Variants in CCDC192 observed in about 807,000 individuals in gnomAD.
The protein encoded by CCDC192 is coiled-coil domain containing 192, also known as coiled-coil domain-containing protein 192.
At position 127,707,644 on chromosome 5, in the gene CCDC192, G is replaced by T. The variant is rs1463125182; in HGVS notation, c.63-65G>T. On this transcript the variant is annotated intron_variant, in intron 1 of 6. Coordinates refer to ENST00000514853, the MANE Select transcript of CCDC192 (RefSeq NM_001317938.2). ...TGATCTATTCATTGTATGTGCGGGG[G>T]TGTGTGTGCGCACATGAGAGCCTGA... is the stretch of plus-strand genomic sequence containing the variant. The T allele has an allele frequency of 1.0e-5, 4 of 396,664 alleles. No individual in the cohort carries two copies. In the South Asian group the frequency reaches 3.9e-4, roughly 39 times the overall value. 24.6% of individuals were successfully genotyped at this position (396,664 alleles called of 1,614,324 possible).
chr5:127,915,630 C>A (rs547274089), intron 6 of CCDC192, among the ~76,000 whole-genome samples: 1 of 152,244 alleles, frequency 6.6e-6, no homozygotes, highest in East Asian at 1.9e-4. Flanking sequence ...ATCCACCCGC[C>A]TGGGCTTCCC....
chr5:127,801,219 A>C (rs1372579835), intron 5 of CCDC192, among the ~76,000 whole-genome samples: 1 of 152,180 alleles, frequency 6.6e-6, no homozygotes, highest in Non-Finnish European at 1.5e-5. Flanking sequence ...TTCTTCTGGA[A>C]TAAGAGATGA....
chr5:127,721,108 C>T (rs949157478), intron 2 of CCDC192, among the ~76,000 whole-genome samples: 8 of 152,206 alleles, frequency 5.3e-5, no homozygotes, highest in African/African-American at 9.7e-5. Context: ...AATTTCTCCC[C>T]GGAAAACGGG....
chr5:127,724,818 C>T (rs1752224606), intron 2 of CCDC192, among the ~76,000 whole-genome samples: 1 of 140,296 alleles, frequency 7.1e-6, no homozygotes, highest in Non-Finnish European at 1.5e-5. Context: ...TGCTGCACTC[C>T]AGCCTGGTGA....
At chr5:127,758,215 T>G (rs969310725) in intron 3 of CCDC192, among the ~76,000 whole-genome samples, 7 of 152,198 alleles carry the variant, frequency 4.6e-5, no homozygotes, top group Non-Finnish European at 1.0e-4. Flanking sequence ...AATCATCTGT[T>G]GGTCCTGGGC....
At chr5:127,847,764 G>A (rs955380529) in intron 5 of CCDC192, among the ~76,000 whole-genome samples, 7 of 151,518 alleles carry the variant, frequency 4.6e-5, no homozygotes, top group Non-Finnish European at 7.4e-5. Flanking sequence ...TGGAGGTTGC[G>A]GTGAGCCAAG....
At chr5:127,910,961 A>G (rs1362689203) in intron 6 of CCDC192, among the ~76,000 whole-genome samples, 1 of 152,230 alleles carries the variant, frequency 6.6e-6, no homozygotes, top group Non-Finnish European at 1.5e-5. Flanking sequence ...ATAAAAAAAA[A>G]ACTTCCTCTG....
chr5:127,931,869 A>G (rs1382835927), intron 6 of CCDC192, among the ~76,000 whole-genome samples: 1 of 152,112 alleles, frequency 6.6e-6, no homozygotes, highest in Non-Finnish European at 1.5e-5. Flanking sequence ...AAAAGAAAGT[A>G]GGCTGGGCAC....
At chr5:127,743,121 G>T (rs1753518292) in intron 2 of CCDC192, among the ~76,000 whole-genome samples, 1 of 152,082 alleles carries the variant, frequency 6.6e-6, no homozygotes, top group Non-Finnish European at 1.5e-5. Flanking sequence ...TGAGAAGAGA[G>T]AAGGTCAGGC....
At chr5:127,710,846 G>A (rs985431308) in intron 2 of CCDC192, among the ~76,000 whole-genome samples, 1 of 152,134 alleles carries the variant, frequency 6.6e-6, no homozygotes, top group African/African-American at 2.4e-5. Flanking sequence ...TTACTTTATC[G>A]CAGGAACCTG....
intron 6 of CCDC192, among the ~76,000 whole-genome samples, chr5:127,882,065 C>T (rs565333647): frequency 1.3e-5 from 2 of 152,282 alleles, no homozygotes; most frequent in Admixed American, 1.3e-4. Flanking sequence ...AAAGTTACCT[C>T]TTTGTTTTAC....
intron 2 of CCDC192, among the ~76,000 whole-genome samples, chr5:127,745,213 C>T (rs575396863): frequency 1.3e-5 from 2 of 152,224 alleles, no homozygotes; most frequent in African/African-American, 4.8e-5. Flanking sequence ...TTGAGCCAAT[C>T]CTTAAGGGTC....
chr5:127,811,305 G>A (rs1293824193), intron 5 of CCDC192, among the ~76,000 whole-genome samples: 3 of 152,092 alleles, frequency 2.0e-5, no homozygotes, highest in Non-Finnish European at 2.9e-5. Flanking sequence ...CCAACCAAAG[G>A]CTTTCCAGAT....
chr5:127,705,254 C>T (rs1459497610), intron 1 of CCDC192, among the ~76,000 whole-genome samples: 1 of 152,186 alleles, frequency 6.6e-6, no homozygotes, highest in Non-Finnish European at 1.5e-5. Context: ...ACTCTGAGGC[C>T]ATGACTCATG....
At chr5:127,727,249 G>A (rs1036429028) in intron 2 of CCDC192, among the ~76,000 whole-genome samples, 11 of 152,132 alleles carry the variant, frequency 7.2e-5, no homozygotes, top group African/African-American at 1.2e-4. Flanking sequence ...CGAGGCAGAC[G>A]ATCTTCTGAG....
chr5:127,865,082 G>T (rs1471135357), intron 5 of CCDC192, among the ~76,000 whole-genome samples: 2 of 152,134 alleles, frequency 1.3e-5, no homozygotes, highest in Non-Finnish European at 2.9e-5. Context: ...GGGAGGCGGA[G>T]GTTGCAGTGA....
intron 2 of CCDC192, among the ~76,000 whole-genome samples, chr5:127,744,315 G>A (rs1753616520): frequency 6.6e-6 from 1 of 151,744 alleles, no homozygotes; most frequent in Non-Finnish European, 1.5e-5. Context: ...ATGAGAAAAT[G>A]AGTAGGTTGA....
At chr5:127,809,024 A>G (rs1757940882) in intron 5 of CCDC192, among the ~76,000 whole-genome samples, 1 of 152,164 alleles carries the variant, frequency 6.6e-6, no homozygotes, top group Non-Finnish European at 1.5e-5. Context: ...ATTTTATCTT[A>G]TTTTCAAAAA....
intron 3 of CCDC192, among the ~76,000 whole-genome samples, chr5:127,790,637 C>T (rs1471761494): frequency 1.3e-5 from 2 of 152,160 alleles, no homozygotes. Context: ...CCTCTGGTAA[C>T]TACCATTCTA....
Sources: gnomAD v4.1 joint callset for allele counts (sites outside exome capture counted in the v4.1 genomes callset) on GRCh38, gnomAD v4.1.1 for gene constraint, MANE v1.5 for transcripts, NCBI Gene and HGNC (gene_info 2026-07-23, HGNC 2026-07-21) for gene names.